Variants in IBTK observed in about 807,000 individuals in gnomAD.
IBTK encodes BTK-binding protein.
IBTK carries 83 observed loss-of-function variants against 154.9 expected under a neutral mutation model. The observed-to-expected ratio is 0.54, with a 90% CI of 0.45 to 0.64. The LOEUF (loss-of-function observed/expected upper bound fraction) is 0.64, where lower values mean the gene tolerates loss of function less well. Ranked by LOEUF, IBTK falls within the 30% of genes least tolerant of loss-of-function variation. The probability of loss-of-function intolerance (pLI) is 0.00; values close to 1 mark genes in which losing one functional copy is unlikely to be tolerated. For missense variants in IBTK, 1,332 were observed against 1,584.6 expected (o/e 0.84, Z 2.71); for synonymous variants, 515 against 536.1 (o/e 0.96, Z 0.54).
chr6:82,175,955 G>T (rs1768096847), intron 26 of IBTK, among the ~76,000 whole-genome samples: 1 of 151,956 alleles, frequency 6.6e-6, no homozygotes, highest in Admixed American at 6.6e-5. Context: ...CTTGAACCCA[G>T]GAGGCAGAGG....
At chr6:82,235,358 G>A (rs1770676394) in intron 2 of IBTK, among the ~76,000 whole-genome samples, 1 of 152,104 alleles carries the variant, frequency 6.6e-6, no homozygotes, top group Non-Finnish European at 1.5e-5. Flanking sequence ...CACTTTGGGA[G>A]GTGGGTGGAT....
chr6:82,179,556 C>T (rs531160821), intron 26 of IBTK, among the ~76,000 whole-genome samples: 4 of 152,114 alleles, frequency 2.6e-5, no homozygotes, highest in Non-Finnish European at 4.4e-5. Flanking sequence ...TGAAATAAGA[C>T]GACGACCAGT....
rs751576710 is a variant in IBTK at position 82,240,426 on chromosome 6, C to A, written c.61G>T (p.Val21Phe). 6.2e-7 allele frequency: 1 copy of A among 1,614,172 alleles called. No homozygotes were observed. Among genetic ancestry groups the A allele is most frequent in the Admixed American group, 1.7e-5 (1 of 60,032 alleles). ...KCRSLKHALD[V>F]LSVVTKGSEN... ...CTCCCCTTTGTTACCACAGAAAGGA[C>A]ATCCAAAGCATGCTTCAGGGATCGA... The change falls in exon 2 of 29, where the codon GTC (valine) becomes TTC (phenylalanine). Residue 21 changes from valine (V) to phenylalanine (F), a missense_variant. Val to Phe is a conservative substitution (Grantham distance 50, BLOSUM62 -1). This residue lies in a region of IBTK where 84 missense variants were observed against 96.2 expected (regional missense o/e 0.87). Transcript: ENST00000306270.
At chr6:82,241,057 C>T (rs1770932231) in intron 1 of IBTK, among the ~76,000 whole-genome samples, 1 of 152,142 alleles carries the variant, frequency 6.6e-6, no homozygotes, top group African/African-American at 2.4e-5. Flanking sequence ...CATTTGCAAC[C>T]TCTGGCATAA....
At chr6:82,221,209 A>G (rs1226441908) in intron 8 of IBTK, among the ~76,000 whole-genome samples, 1 of 152,158 alleles carries the variant, frequency 6.6e-6, no homozygotes, top group African/African-American at 2.4e-5. Context: ...CTGTAGTCCC[A>G]GCTACTCGGG....
chr6:82,246,357 G>T (rs1771142084), intron 1 of IBTK, among the ~76,000 whole-genome samples: 1 of 151,254 alleles, frequency 6.6e-6, no homozygotes, highest in Non-Finnish European at 1.5e-5. Flanking sequence ...TGGTAGAGAC[G>T]GGGTTTCACC....
intron 16 of IBTK, among the ~76,000 whole-genome samples, chr6:82,206,622 T>C (rs1407050139): frequency 6.6e-6 from 1 of 152,134 alleles, no homozygotes; most frequent in Non-Finnish European, 1.5e-5. Context: ...TTATGCTGAT[T>C]CTAAAAACAG....
intron 16 of IBTK, among the ~76,000 whole-genome samples, chr6:82,209,105 G>T (rs1355773024): frequency 6.6e-6 from 1 of 152,206 alleles, no homozygotes; most frequent in Non-Finnish European, 1.5e-5. Context: ...CAAGGATGTG[G>T]AGAAACTGGA....
intron 1 of IBTK, among the ~76,000 whole-genome samples, chr6:82,243,427 T>A (rs1362454083): frequency 1.3e-5 from 2 of 152,150 alleles, no homozygotes; most frequent in Admixed American, 6.5e-5. Context: ...AAATAAACAA[T>A]TTATGTTTTA....
At position 82,202,596 on chromosome 6, in the gene IBTK, AC is replaced by A. The variant is rs1381489965; in HGVS notation, c.2660del (p.Ser887MetfsTer5). ...AACAAGACAGTTTCAACTGTTTTGC[AC>A]TATACATTGCTGCAAATTCCAGTAG... ...AMLLEFAAMY[S>X]AKQLKLSCLQ... On this transcript the variant is annotated frameshift_variant, in exon 18 of 29. Coordinates refer to ENST00000306270, the MANE Select transcript of IBTK (RefSeq NM_015525.4). LOFTEE classifies it high-confidence loss of function. The A allele has an allele frequency of 1.2e-6, 2 of 1,610,724 alleles. No homozygotes were observed. The highest frequency in any genetic ancestry group is 4.5e-5 in the East Asian group (2 of 44,614).
chr6:82,200,753 G>GTTTTGT, intron 19 of IBTK, 45 bp from the exon 20 acceptor site: 2 of 392,562 alleles, frequency 5.1e-6, no homozygotes, highest in South Asian at 3.3e-5. Flanking sequence ...AATCTGTGAA[G>GTTTTGT]TTTTTTTTTT....
rs550474074 is a variant in IBTK, at chr6:82,189,929, T to C, written c.3575+1144A>G. On this transcript the variant is annotated intron_variant, in intron 25 of 28. Coordinates refer to ENST00000306270, the MANE Select transcript of IBTK (RefSeq NM_015525.4). Reference sequence around the variant, plus strand: ...AAAGCACAACTCAGTATTGCAGCAGTCATATCATAAACCCTACAAGGGTAA... The same window carrying C: ...AAAGCACAACTCAGTATTGCAGCAGCCATATCATAAACCCTACAAGGGTAA... 1.6e-4 allele frequency among the ~76,000 whole-genome samples: 24 copies of C among 152,302 alleles called. No individual in the cohort carries two copies. The East Asian group carries it at 4.4e-3, about 28-fold the overall frequency.
chr6:82,198,384 T>C (rs1229664784), intron 21 of IBTK, among the ~76,000 whole-genome samples: 1 of 152,124 alleles, frequency 6.6e-6, no homozygotes, highest in Non-Finnish European at 1.5e-5. Context: ...CCTAAGATAA[T>C]AGCTTTCCCA....
chr6:82,214,971 A>G, intron 11 of IBTK, 142 bp from the exon 12 acceptor site: 1 of 779,106 alleles, frequency 1.3e-6, no homozygotes, highest in Non-Finnish European at 2.0e-6. Flanking sequence ...AAATACAAGA[A>G]TATTGCACAA....
Position 82,200,597 on chromosome 6 carries a change from G to A in IBTK, c.2902C>T (p.Gln968Ter). The change falls in exon 20 of 29, where the codon CAA (glutamine) becomes TAA (stop). Residue 968 changes from glutamine (Q) to a stop codon, truncating the protein, a stop_gained. Coordinates refer to ENST00000306270, the MANE Select transcript of IBTK (RefSeq NM_015525.4). LOFTEE classifies it high-confidence loss of function. ...IFLKEEINME[Q>*]NHSETMFKKA... ...AAGAAAACAGCTTACGAATGATTTT[G>A]TTCCATATTTATTTCTTCTTTCAAG... 1 of 1,553,562 alleles carries A rather than the reference G, an allele frequency of 6.4e-7. No homozygotes were observed. The highest frequency in any genetic ancestry group is 1.2e-5 in the South Asian group (1 of 83,150).
At chr6:82,182,592 C>A (rs575256736) in intron 25 of IBTK, among the ~76,000 whole-genome samples, 2 of 152,048 alleles carry the variant, frequency 1.3e-5, no homozygotes, top group East Asian at 3.9e-4. Flanking sequence ...GAAAAAGAAA[C>A]AATGGCCAAA....
intron 12 of IBTK, among the ~76,000 whole-genome samples, chr6:82,213,657 T>G (rs180841818): frequency 6.6e-6 from 1 of 152,300 alleles, no homozygotes; most frequent in South Asian, 2.1e-4. Flanking sequence ...TATGTCTAAC[T>G]TGAAAGACCT....
At position 82,242,915 on chromosome 6, in the gene IBTK, G is replaced by T. The variant is rs113826670; in HGVS notation, c.-357-2072C>A. Among the ~76,000 whole-genome samples the T allele has an allele frequency of 2.5e-3, 363 of 147,548 alleles. 2 individuals carry two copies. Among genetic ancestry groups the T allele is most frequent in the African/African-American group, 8.4e-3 (334 of 39,772 alleles). ...TCCCGCCACCGCACTCCAGTCTGGTGACAAAGCAAGACTCTGTCTCAAAAA... is the reference window on the plus strand; with the variant it reads ...TCCCGCCACCGCACTCCAGTCTGGTTACAAAGCAAGACTCTGTCTCAAAAA... On this transcript the variant is annotated intron_variant, in intron 1 of 28. Transcript: ENST00000306270.
intron 9 of IBTK, among the ~76,000 whole-genome samples, chr6:82,218,408 T>C (rs1303346697): frequency 6.6e-6 from 1 of 152,144 alleles, no homozygotes; most frequent in Non-Finnish European, 1.5e-5. Context: ...ATTTCCAGTA[T>C]TACCTGTTTA....
Sources: gnomAD v4.1 joint callset for allele counts (sites outside exome capture counted in the v4.1 genomes callset) on GRCh38, gnomAD v4.1.1 for gene constraint, gnomAD v4.1.1 regional missense constraint, MANE v1.5 for transcripts, NCBI Gene and HGNC (gene_info 2026-07-23, HGNC 2026-07-21) for gene names.